PTPRJ: variants seen among roughly 807,000 people sequenced by gnomAD.
The protein encoded by PTPRJ is receptor-type tyrosine-protein phosphatase eta.
Under a neutral mutation model 141.3 loss-of-function variants are expected in PTPRJ, and 129 were observed. The ratio of observed to expected loss-of-function variants is 0.91; its 90% CI spans 0.79 to 1.06. PTPRJ has a LOEUF of 1.06. Among genes scored for constraint, PTPRJ ranks in the 50% least tolerant of loss-of-function variants. PTPRJ has a pLI of 0.00. For synonymous variants in PTPRJ, 610 were observed against 640.5 expected, an observed-to-expected ratio of 0.95 and a Z score of 0.72; for missense variants, 1,601 against 1,679.7, an observed-to-expected ratio of 0.95 and a Z score of 0.82.
At chr11:48,054,177 G>A (rs1221678524) in intron 1 of PTPRJ, among the ~76,000 whole-genome samples, 3 of 152,120 alleles carry the variant, frequency 2.0e-5, no homozygotes, top group Non-Finnish European at 4.4e-5. Context: ...CAGGTGATTT[G>A]CCCGCCTTGG....
intron 8 of PTPRJ, 86 bp downstream of exon 8, chr11:48,130,802 TTTTTC>T: frequency 7.5e-7 from 1 of 1,339,856 alleles, no homozygotes; most frequent in Non-Finnish European, 9.8e-7. Flanking sequence ...CCAAATATTG[TTTTTC>T]TTTTAATTAT....
At chr11:48,047,498 AT>A (rs58387057) in intron 1 of PTPRJ, among the ~76,000 whole-genome samples, 64,116 of 146,580 alleles carry the variant, frequency 0.44, 16,422 homozygotes, top group Non-Finnish European at 0.57. Flanking sequence ...ACCTATGGTA[AT>A]TTTTTTTTTT....
intron 1 of PTPRJ, among the ~76,000 whole-genome samples, chr11:48,026,996 C>CTTTT (rs1206503872): frequency 1.4e-4 from 16 of 113,230 alleles, no homozygotes; most frequent in East Asian, 2.7e-4. Flanking sequence ...TTGGAATACC[C>CTTTT]TTTTTTTTTT....
chr11:48,087,239 G>C (rs987889348), intron 1 of PTPRJ, among the ~76,000 whole-genome samples: 1 of 152,324 alleles, frequency 6.6e-6, no homozygotes, highest in African/African-American at 2.4e-5. Flanking sequence ...AGCCCGTGAA[G>C]TTTTCAGCGG....
chr11:48,046,908 A>AT (rs1442313554), intron 1 of PTPRJ, among the ~76,000 whole-genome samples: 70 of 85,856 alleles, frequency 8.2e-4, no homozygotes, highest in African/African-American at 5.2e-3. Flanking sequence ...ATATATATAT[A>AT]TATATTTTTT....
At chr11:48,065,306 G>A (rs543180184) in intron 1 of PTPRJ, among the ~76,000 whole-genome samples, 4 of 152,106 alleles carry the variant, frequency 2.6e-5, no homozygotes, top group East Asian at 3.9e-4. Context: ...GAGTCACTGC[G>A]CCTGGCCAAC....
chr11:48,069,445 A>ATT lies in PTPRJ; in HGVS notation c.97-40593_97-40592dup, dbSNP rs35405916. Among the ~76,000 whole-genome samples the ATT allele has an allele frequency of 3.1e-4, 38 of 121,302 alleles. 5 individuals carry two copies. Among genetic ancestry groups the ATT allele is most frequent in the African/African-American group, 5.5e-4 (17 of 31,136 alleles). 79.6% of individuals were successfully genotyped at this position (121,302 alleles called of 152,430 possible). ...GGCTGTGATAAAAACTACATTGATA[A>ATT]TTTTTTTTTTTTTTTTTTTTTGGAG... On this transcript the variant is annotated intron_variant, in intron 1 of 24. Transcript: ENST00000418331.
intron 4 of PTPRJ, among the ~76,000 whole-genome samples, chr11:48,123,099 A>G (rs1019456284): frequency 2.0e-5 from 3 of 152,238 alleles, no homozygotes; most frequent in Non-Finnish European, 4.4e-5. Flanking sequence ...GTGGAGATGG[A>G]ACGTCTTCTG....
At chr11:48,022,692 C>T (rs1488755907) in intron 1 of PTPRJ, among the ~76,000 whole-genome samples, 1 of 152,008 alleles carries the variant, frequency 6.6e-6, no homozygotes. Context: ...GGGGTAGTGC[C>T]AAGACCAAGT....
intron 5 of PTPRJ, 141 bp downstream of exon 5, chr11:48,124,011 C>G: frequency 1.0e-6 from 1 of 960,806 alleles, no homozygotes; most frequent in East Asian, 2.6e-5. Flanking sequence ...TTAGTTTGAT[C>G]CCCCACCTGC....
intron 1 of PTPRJ, among the ~76,000 whole-genome samples, chr11:48,062,330 G>A (rs1590455440): frequency 6.6e-6 from 1 of 152,126 alleles, no homozygotes; most frequent in East Asian, 2.0e-4. Flanking sequence ...TGGCTAAAAC[G>A]GTGAAACCCC....
chr11:48,084,996 C>A (rs138868437), intron 1 of PTPRJ, among the ~76,000 whole-genome samples: 1 of 152,200 alleles, frequency 6.6e-6, no homozygotes, highest in African/African-American at 2.4e-5. Context: ...GACACAGTTT[C>A]ACATTCCACG....
intron 1 of PTPRJ, among the ~76,000 whole-genome samples, chr11:48,065,120 T>C (rs1565285121): frequency 6.7e-6 from 1 of 149,710 alleles, no homozygotes; most frequent in African/African-American, 2.5e-5. Context: ...GTTCAAACGA[T>C]TCTCCTGCCT....
At chr11:48,102,083 G>A (rs1015581869) in intron 1 of PTPRJ, among the ~76,000 whole-genome samples, 4 of 152,162 alleles carry the variant, frequency 2.6e-5, no homozygotes, top group African/African-American at 9.7e-5. Flanking sequence ...TTGATCAAGG[G>A]TTACAAACAC....
At chr11:47,998,923 G>T (rs950483924) in intron 1 of PTPRJ, among the ~76,000 whole-genome samples, 2 of 152,298 alleles carry the variant, frequency 1.3e-5, no homozygotes, top group Non-Finnish European at 2.9e-5. Flanking sequence ...TACAGCAAGA[G>T]CCTTCCTCAG....
At chr11:48,071,446 A>T (rs1458208741) in intron 1 of PTPRJ, among the ~76,000 whole-genome samples, 1 of 150,534 alleles carries the variant, frequency 6.6e-6, no homozygotes, top group Admixed American at 6.7e-5. Context: ...CCTCCCGAGT[A>T]GCTGGGACTA....
chr11:48,038,765 CAG>C (rs1172656346), intron 1 of PTPRJ, among the ~76,000 whole-genome samples: 3 of 148,682 alleles, frequency 2.0e-5, no homozygotes, highest in African/African-American at 7.4e-5. Flanking sequence ...GCTGGGATTA[CAG>C]ACATAAGCCA....
At chr11:48,144,049 T>G (rs140157618) in intron 12 of PTPRJ, among the ~76,000 whole-genome samples, 1 of 151,920 alleles carries the variant, frequency 6.6e-6, no homozygotes, top group Non-Finnish European at 1.5e-5. Context: ...GCATGAATAA[T>G]GCAGTGTTTC....
chr11:48,000,664 T>C (rs1000641492), intron 1 of PTPRJ, among the ~76,000 whole-genome samples: 5 of 151,978 alleles, frequency 3.3e-5, no homozygotes, highest in Non-Finnish European at 5.9e-5. Context: ...AACAGACACT[T>C]GAACCTACCC....
Sources: gnomAD v4.1 joint callset for allele counts (sites outside exome capture counted in the v4.1 genomes callset) on GRCh38, gnomAD v4.1.1 for gene constraint, MANE v1.5 for transcripts, NCBI Gene and HGNC (gene_info 2026-07-23, HGNC 2026-07-21) for gene names.